The following NFAT5 variants were observed in gnomAD, a reference collection of about 807,000 sequenced individuals.
NFAT5 encodes nuclear factor of activated T-cells 5.
A neutral mutation model predicts 166.5 loss-of-function variants in NFAT5; 31 were observed. That is an observed-to-expected ratio of 0.19 (90% CI 0.14 to 0.25). The LOEUF (loss-of-function observed/expected upper bound fraction) is 0.25, where lower values mean the gene tolerates loss of function less well. Among genes scored for constraint, NFAT5 ranks in the 10% least tolerant of loss-of-function variants. NFAT5 has a pLI of 1.00. For synonymous variants in NFAT5, 612 were observed against 639.7 expected, an observed-to-expected ratio of 0.96 and a Z score of 0.65; for missense variants, 1,449 against 1,821.8, an observed-to-expected ratio of 0.80 and a Z score of 3.72.
rs987288567 is a variant in NFAT5, at chr16:69,676,051, A to G, written c.1558-1152A>G. Among the ~76,000 whole-genome samples, 15 of 152,276 alleles carry G rather than the reference A, an allele frequency of 9.9e-5. 2 individuals are homozygous for G. Among genetic ancestry groups the G allele is most frequent in the East Asian group, 3.9e-4 (2 of 5,188 alleles). Reference sequence around the variant, plus strand: ...TTGACCTTGATCTCATTTGTCCCATATTTTCTATTCAACTGAGTCAACGAA... The same window carrying G: ...TTGACCTTGATCTCATTTGTCCCATGTTTTCTATTCAACTGAGTCAACGAA... On this transcript the variant is annotated intron_variant, in intron 9 of 14. Transcript: ENST00000349945.
rs28607148 is a variant in NFAT5 at position 69,572,795 on chromosome 16, G to A, written c.127+4247G>A. ...GATTATATATCAAATGAAAGAACTG[G>A]TTAAATAAGAGCTAAATGCTGATCT... On this transcript the variant is annotated intron_variant, in intron 2 of 14. Transcript: ENST00000349945. Among the ~76,000 whole-genome samples, 279 of 152,106 alleles carry A rather than the reference G, an allele frequency of 1.8e-3. 2 individuals are homozygous for A. The highest frequency in any genetic ancestry group is 6.3e-3 in the African/African-American group (262 of 41,482).
intron 7 of NFAT5, among the ~76,000 whole-genome samples, chr16:69,669,439 G>A (rs184749620): frequency 6.6e-6 from 1 of 152,276 alleles, no homozygotes; most frequent in East Asian, 1.9e-4. Context: ...CAGCTACTGA[G>A]GAGGCTGAGG....
At chr16:69,614,617 A>G (rs1490064599) in intron 2 of NFAT5, among the ~76,000 whole-genome samples, 1 of 152,168 alleles carries the variant, frequency 6.6e-6, no homozygotes, top group Non-Finnish European at 1.5e-5. Flanking sequence ...TTGCCTCCCA[A>G]TACTTTGGTA....
rs565821359 is a variant in NFAT5, at chr16:69,577,718, C to T, written c.127+9170C>T. ...TCTCTGTCTTGACCATGTGATTACA[C>T]AAACATACATACTTTTTAAAAAAAC... On this transcript the variant is annotated intron_variant, in intron 2 of 14. Transcript: ENST00000349945. Among the ~76,000 whole-genome samples, 30 of 152,200 alleles carry T rather than the reference C, an allele frequency of 2.0e-4. No homozygotes were observed. In the East Asian group the frequency reaches 5.6e-3, roughly 28 times the overall value.
rs2142879814 is a variant in NFAT5 at position 69,566,389 on chromosome 16, G to C, written c.73+15G>C. On this transcript the variant is annotated intron_variant, in intron 1 of 14. Transcript: ENST00000349945. This position sits in a 1 kb window ranked among gnomAD's most constrained non-coding sequence, Gnocchi z 5.7. ...CTACTCGCGAGGTGAGTCAGGCTGT[G>C]GGGGGTGGGGCGTGGGGGCGGGGAG... 1.3e-6 allele frequency: 2 copies of C among 1,564,644 alleles called. No individual in the cohort carries two copies. The highest frequency in any genetic ancestry group is 1.8e-5 in the Admixed American group (1 of 55,934).
intron 2 of NFAT5, among the ~76,000 whole-genome samples, chr16:69,606,609 C>G (rs1421462110): frequency 1.3e-5 from 2 of 152,114 alleles, no homozygotes; most frequent in African/African-American, 4.8e-5. Context: ...AATCCCAGCA[C>G]TTTGGGAGGC....
chr16:69,612,766 C>T (rs1157719027), intron 2 of NFAT5, among the ~76,000 whole-genome samples: 5 of 151,068 alleles, frequency 3.3e-5, no homozygotes, highest in South Asian at 2.1e-4. Flanking sequence ...CCCAGCTACT[C>T]GGGAGGCTGA....
chr16:69,691,105 A>G lies in NFAT5; in HGVS notation c.1923+17A>G, dbSNP rs1264287600. Reference sequence around the variant, plus strand: ...ATTTTTAAGGTAAGCTGTATTGACTAGTGCACAAACCTCCTATATAAAAAT... The same window carrying G: ...ATTTTTAAGGTAAGCTGTATTGACTGGTGCACAAACCTCCTATATAAAAAT... On this transcript the variant is annotated intron_variant, in intron 12 of 14. Coordinates refer to ENST00000349945, the MANE Select transcript of NFAT5 (RefSeq NM_138713.4). 3.3e-6 allele frequency: 5 copies of G among 1,525,782 alleles called. No homozygotes were observed. The highest frequency in any genetic ancestry group is 4.4e-6 in the Non-Finnish European group (5 of 1,137,424). The allele number at this position is 1,525,782 out of a possible 1,614,324, so 94.5% of individuals were successfully genotyped here.
chr16:69,692,576 G>C lies in NFAT5; in HGVS notation c.2751G>C (p.Glu917Asp). The C allele has an allele frequency of 1.2e-6, 2 of 1,614,184 alleles. No homozygotes were observed. The highest frequency in any genetic ancestry group is 1.7e-6 in the Non-Finnish European group (2 of 1,180,042). ...VMESSAAMVM[E>D]MQQSICQAAA... ...AATCTTCAGCCGCAATGGTGATGGA[G>C]ATGCAACAGAGTATCTGCCAGGCAG... The change falls in exon 13 of 15, where the codon GAG becomes GAC. Residue 917 changes from glutamate (E) to aspartate (D), a missense_variant. Physicochemically the swap from Glu to Asp is conservative, Grantham distance 45. Transcript: ENST00000349945.
chr16:69,657,958 G>A (rs1359736717), intron 6 of NFAT5, among the ~76,000 whole-genome samples: 3 of 148,798 alleles, frequency 2.0e-5, no homozygotes, highest in South Asian at 2.1e-4. Context: ...GGTGGCGGGC[G>A]CCTGTAGTCC....
rs1012559996 is a variant in NFAT5 at position 69,697,333 on chromosome 16, C to G, written c.*982C>G. The G allele has an allele frequency of 6.6e-6, 1 of 152,038 alleles. No homozygotes were observed. The highest frequency in any genetic ancestry group is 1.5e-5 in the Non-Finnish European group (1 of 68,030). 9.4% of individuals were successfully genotyped at this position (152,038 alleles called of 1,614,324 possible). On this transcript the variant is annotated 3_prime_UTR_variant, in exon 15 of 15. Coordinates refer to ENST00000349945, the MANE Select transcript of NFAT5 (RefSeq NM_138713.4). ...GACCTAGCAATCCTGCAGCACAGGG[C>G]AGAGAGTACTGTCTTAGGAATTATT...
At chr16:69,646,626 T>G (rs1223843631) in intron 3 of NFAT5, 1 of 697,418 alleles carries the variant, frequency 1.4e-6, no homozygotes, top group East Asian at 8.7e-5. Flanking sequence ...GTCCCACTTT[T>G]CAAATTCTAT....
intron 2 of NFAT5, among the ~76,000 whole-genome samples, chr16:69,575,587 C>T (rs1297529317): frequency 6.6e-6 from 1 of 151,852 alleles, no homozygotes; most frequent in Non-Finnish European, 1.5e-5. Context: ...CACTGCACTC[C>T]AGCCTGGGCA....
intron 2 of NFAT5, among the ~76,000 whole-genome samples, chr16:69,601,306 T>A (rs541611756): frequency 1.3e-5 from 2 of 152,324 alleles, no homozygotes; most frequent in East Asian, 3.9e-4. Flanking sequence ...TCTGTTTTAT[T>A]TGCCTACTGA....
chr16:69,663,973 A>G (rs1042936121), intron 7 of NFAT5, among the ~76,000 whole-genome samples: 1 of 152,160 alleles, frequency 6.6e-6, no homozygotes, highest in Non-Finnish European at 1.5e-5. Flanking sequence ...CTTACATGTA[A>G]TATATATTAG....
In NFAT5 at chr16:69,580,301, G is replaced by T. The variant is rs909194873; in HGVS notation, c.127+11753G>T. Among the ~76,000 whole-genome samples the T allele has an allele frequency of 1.1e-4, 16 of 152,166 alleles. 2 individuals are homozygous for T. Among genetic ancestry groups the T allele is most frequent in the East Asian group, 3.9e-4 (2 of 5,174 alleles). ...CCAGCACTTTGGGAGGCCAAGGTGG[G>T]TGGATCACCTGAGGTCAGGAGTTCA... On this transcript the variant is annotated intron_variant, in intron 2 of 14. Coordinates refer to ENST00000349945, the MANE Select transcript of NFAT5 (RefSeq NM_138713.4).
chr16:69,579,648 A>G (rs1351591511), intron 2 of NFAT5, among the ~76,000 whole-genome samples: 1 of 152,206 alleles, frequency 6.6e-6, no homozygotes, highest in Admixed American at 6.5e-5. Context: ...AATTAACACT[A>G]TAAATTCTGC....
chr16:69,601,914 A>G (rs2033151496), intron 2 of NFAT5, among the ~76,000 whole-genome samples: 1 of 152,172 alleles, frequency 6.6e-6, no homozygotes, highest in Non-Finnish European at 1.5e-5. Context: ...TCTCTTGAGA[A>G]TGGATCCAAA....
intron 3 of NFAT5, among the ~76,000 whole-genome samples, chr16:69,639,008 G>A (rs1401888510): frequency 6.6e-6 from 1 of 152,024 alleles, no homozygotes. Context: ...AATAAATGTA[G>A]CTGTCAGCTA....
Sources: gnomAD v4.1 joint callset for allele counts (sites outside exome capture counted in the v4.1 genomes callset) on GRCh38, gnomAD v4.1.1 for gene constraint, Gnocchi (gnomAD v3.1) non-coding constraint, MANE v1.5 for transcripts, NCBI Gene and HGNC (gene_info 2026-07-23, HGNC 2026-07-21) for gene names.